Variants in TRIM9 observed in about 807,000 individuals in gnomAD.
The protein encoded by TRIM9 is tripartite motif containing 9.
Under a neutral mutation model 78.3 loss-of-function variants are expected in TRIM9, and 26 were observed. The observed-to-expected ratio is 0.33, with a 90% CI of 0.24 to 0.46. TRIM9 has a LOEUF of 0.46. Ranked by LOEUF, TRIM9 falls within the 20% of genes least tolerant of loss-of-function variation. The pLI, the probability that TRIM9 is intolerant of heterozygous loss-of-function variation, is 1.00. For synonymous variants in TRIM9, 398 were observed against 416.5 expected, an observed-to-expected ratio of 0.96 and a Z score of 0.54; for missense variants, 787 against 1,036.4, an observed-to-expected ratio of 0.76 and a Z score of 3.30.
At chr14:51,059,019 G>A (rs1031968640) in intron 1 of TRIM9, among the ~76,000 whole-genome samples, 1 of 152,228 alleles carries the variant, frequency 6.6e-6, no homozygotes, top group Admixed American at 6.5e-5. Context: ...GGGCAAGTTA[G>A]AGAACAGGCC....
intron 7 of TRIM9, chr14:50,996,554 T>C (rs1253093892): frequency 1.0e-6 from 1 of 985,350 alleles, no homozygotes; most frequent in African/African-American, 1.7e-5. Flanking sequence ...AATTTCTCTC[T>C]GCTCTGCAGG....
At chr14:50,978,069 T>C (rs2051298360) in intron 12 of TRIM9, among the ~76,000 whole-genome samples, 1 of 152,184 alleles carries the variant, frequency 6.6e-6, no homozygotes, top group African/African-American at 2.4e-5. Context: ...GGGTAATTTA[T>C]GGTTTTCTTT....
chr14:51,072,473 T>TA (rs2062376416), intron 1 of TRIM9, among the ~76,000 whole-genome samples: 1 of 152,112 alleles, frequency 6.6e-6, no homozygotes, highest in South Asian at 2.1e-4. Context: ...ACACAATACA[T>TA]ACGAGGAATT....
At chr14:51,072,272 C>T (rs1481469883) in intron 1 of TRIM9, among the ~76,000 whole-genome samples, 1 of 151,936 alleles carries the variant, frequency 6.6e-6, no homozygotes, top group Non-Finnish European at 1.5e-5. Flanking sequence ...TATTTTACTA[C>T]ATTAAAAAAA....
intron 1 of TRIM9, among the ~76,000 whole-genome samples, chr14:51,059,939 G>T (rs906313140): frequency 6.6e-6 from 1 of 152,114 alleles, no homozygotes; most frequent in African/African-American, 2.4e-5. Flanking sequence ...CTAAAACCAG[G>T]TTGCAAATAA....
intron 1 of TRIM9, among the ~76,000 whole-genome samples, chr14:51,041,055 A>T (rs1473065545): frequency 1.3e-5 from 2 of 152,238 alleles, no homozygotes; most frequent in Non-Finnish European, 2.9e-5. Flanking sequence ...TGTCAATATT[A>T]TTCAGAAAAA....
At chr14:50,992,709 T>C (rs564529603) in intron 7 of TRIM9, among the ~76,000 whole-genome samples, 5 of 152,300 alleles carry the variant, frequency 3.3e-5, no homozygotes, top group African/African-American at 9.6e-5. Context: ...CACCATTACA[T>C]CTTTTCTGGG....
At chr14:51,031,210 C>T (rs1468548143) in intron 1 of TRIM9, among the ~76,000 whole-genome samples, 3 of 151,088 alleles carry the variant, frequency 2.0e-5, no homozygotes, top group Non-Finnish European at 4.4e-5. Flanking sequence ...CTATCCTTGA[C>T]CAAGTTATAG....
At chr14:51,038,978 C>T (rs1292244831) in intron 1 of TRIM9, among the ~76,000 whole-genome samples, 1 of 152,204 alleles carries the variant, frequency 6.6e-6, no homozygotes, top group Non-Finnish European at 1.5e-5. Flanking sequence ...CTTATTTAAA[C>T]TTTTACTTTA....
chr14:51,054,894 A>G (rs539786565), intron 1 of TRIM9, among the ~76,000 whole-genome samples: 1 of 146,856 alleles, frequency 6.8e-6, no homozygotes, highest in African/African-American at 2.6e-5. Flanking sequence ...CAATGGTGCT[A>G]TCTTGGCTCA....
intron 1 of TRIM9, among the ~76,000 whole-genome samples, chr14:51,058,201 C>A (rs1332728264): frequency 6.6e-6 from 1 of 152,170 alleles, no homozygotes; most frequent in Admixed American, 6.5e-5. Context: ...AGTGTCCCTG[C>A]ATTACAGGAT....
At chr14:51,030,060 T>A (rs2058598411) in intron 1 of TRIM9, among the ~76,000 whole-genome samples, 1 of 152,224 alleles carries the variant, frequency 6.6e-6, no homozygotes, top group African/African-American at 2.4e-5. Flanking sequence ...TCAACTTTTT[T>A]CCTGCATGAA....
At chr14:51,008,951 A>G (rs2056209686) in intron 5 of TRIM9, 129 bp downstream of exon 5, 1 of 909,270 alleles carries the variant, frequency 1.1e-6, no homozygotes, top group East Asian at 2.4e-5. Context: ...ATAAGGATAC[A>G]TTTTCATTAC....
At chr14:51,053,860 A>T (rs188996713) in intron 1 of TRIM9, among the ~76,000 whole-genome samples, 3 of 152,208 alleles carry the variant, frequency 2.0e-5, no homozygotes, top group African/African-American at 7.2e-5. Context: ...ATTATTGCCC[A>T]AAGTAAAGAC....
At chr14:51,054,883 G>A (rs968499774) in intron 1 of TRIM9, among the ~76,000 whole-genome samples, 2 of 147,316 alleles carry the variant, frequency 1.4e-5, no homozygotes, top group African/African-American at 5.1e-5. Flanking sequence ...AGGCTGGAGT[G>A]CAATGGTGCT....
At chr14:51,059,456 T>C (rs919302392) in intron 1 of TRIM9, among the ~76,000 whole-genome samples, 2 of 152,012 alleles carry the variant, frequency 1.3e-5, no homozygotes, top group African/African-American at 4.8e-5. Context: ...AAGCAAAGCA[T>C]TGGGAGCACA....
At chr14:51,059,747 A>G (rs972126505) in intron 1 of TRIM9, among the ~76,000 whole-genome samples, 12 of 151,720 alleles carry the variant, frequency 7.9e-5, no homozygotes, top group Non-Finnish European at 1.6e-4. Flanking sequence ...GCAGTGAGCC[A>G]AGATCGTGCC....
At chr14:50,997,751 G>C in intron 7 of TRIM9, 1 of 1,323,940 alleles carries the variant, frequency 7.6e-7, no homozygotes, top group Non-Finnish European at 9.7e-7. Context: ...TTACACACCA[G>C]GGGCACATTC....
chr14:51,001,557 T>C (rs2055050627), intron 5 of TRIM9, among the ~76,000 whole-genome samples: 2 of 152,194 alleles, frequency 1.3e-5, no homozygotes, highest in South Asian at 4.1e-4. Flanking sequence ...TCATAAAACT[T>C]ATTCTGAGAT....
Sources: allele counts gnomAD v4.1 joint callset (sites outside exome capture counted in the v4.1 genomes callset), GRCh38; gene constraint gnomAD v4.1.1; transcripts MANE v1.5; gene names NCBI Gene and HGNC (gene_info 2026-07-23, HGNC 2026-07-21).